The following TOX3 variants were observed in gnomAD, a reference collection of about 807,000 sequenced individuals.
TOX3 encodes the protein TOX high mobility group box family member 3.
In TOX3, 22 loss-of-function variants were observed where a neutral mutation model predicts 64.3. The ratio of observed to expected loss-of-function variants is 0.34; its 90% CI spans 0.24 to 0.49. The LOEUF is 0.49. Ranked by LOEUF, TOX3 falls within the 20% of genes least tolerant of loss-of-function variation. TOX3 has a pLI of 0.99. For missense variants in TOX3, 661 were observed against 714.4 expected, an observed-to-expected ratio of 0.93 and a Z score of 0.85; for synonymous variants, 291 against 273.6, an observed-to-expected ratio of 1.06 and a Z score of -0.63.
intron 1 of TOX3, among the ~76,000 whole-genome samples, chr16:52,546,390 G>T (rs1319428187): frequency 6.6e-6 from 1 of 152,048 alleles, no homozygotes; most frequent in African/African-American, 2.4e-5. Context: ...GCAAAGGAGA[G>T]TCTGGCGGGG....
intron 1 of TOX3, among the ~76,000 whole-genome samples, chr16:52,493,942 A>C (rs575435814): frequency 1.3e-5 from 2 of 152,334 alleles, no homozygotes; most frequent in South Asian, 4.1e-4. Flanking sequence ...TTAAACATTT[A>C]TCTTCACCAA....
At chr16:52,496,865 G>C (rs1420882014) in intron 1 of TOX3, among the ~76,000 whole-genome samples, 1 of 150,246 alleles carries the variant, frequency 6.7e-6, no homozygotes, top group Admixed American at 6.6e-5. Context: ...TCTAACCTGG[G>C]GAAAAAAAAA....
At chr16:52,472,231 C>G (rs1961070161) in intron 1 of TOX3, among the ~76,000 whole-genome samples, 1 of 152,130 alleles carries the variant, frequency 6.6e-6, no homozygotes, top group Non-Finnish European at 1.5e-5. Flanking sequence ...GTGCTAGGCA[C>G]TGGAGGCAAT....
At chr16:52,502,312 C>T (rs1033740424) in intron 1 of TOX3, among the ~76,000 whole-genome samples, 1 of 152,126 alleles carries the variant, frequency 6.6e-6, no homozygotes, top group African/African-American at 2.4e-5. Flanking sequence ...GTTTAGTTTC[C>T]ATTTCTAAAA....
intron 3 of TOX3, among the ~76,000 whole-genome samples, chr16:52,458,962 G>A (rs1960608516): frequency 6.6e-6 from 1 of 151,792 alleles, no homozygotes; most frequent in African/African-American, 2.4e-5. Flanking sequence ...GACACTGGTA[G>A]TCAAAAAAAA....
Position 52,443,250 on chromosome 16 carries a change from A to T in TOX3, c.987+1026T>A, listed in dbSNP as rs73583111. Among the ~76,000 whole-genome samples, 802 of 152,298 alleles carry T rather than the reference A, an allele frequency of 5.3e-3. 11 individuals are homozygous for T. The highest frequency in any genetic ancestry group is 0.018 in the African/African-American group (754 of 41,552). On this transcript the variant is annotated intron_variant, in intron 6 of 6. Transcript: ENST00000219746. ...GCAAGTCTGAGTACAACATCAGTAT[A>T]TCTTCCAGTATGTGTCTTCCAGAGT...
In TOX3 at chr16:52,489,065, T is replaced by C. The variant is rs150782823; in HGVS notation, c.88-20491A>G. Among the ~76,000 whole-genome samples the C allele has an allele frequency of 1.3e-4, 20 of 152,276 alleles. No homozygotes were observed. The East Asian group carries it at 3.7e-3, about 28-fold the overall frequency. On this transcript the variant is annotated intron_variant, in intron 1 of 6. Coordinates refer to ENST00000219746, the MANE Select transcript of TOX3 (RefSeq NM_001080430.4). ...GCAACTATCACCCCAAACCAGAACT[T>C]CAAATCATCCCTTTTTTTTCCTTTG...
intron 1 of TOX3, among the ~76,000 whole-genome samples, chr16:52,485,236 A>ATGTG (rs1280127633): frequency 6.2e-4 from 70 of 113,014 alleles, no homozygotes; most frequent in African/African-American, 2.3e-3. Context: ...GTGTGTGTGT[A>ATGTG]TGTGTGTGTG....
intron 1 of TOX3, among the ~76,000 whole-genome samples, chr16:52,481,011 C>T (rs940096289): frequency 6.6e-6 from 1 of 151,912 alleles, no homozygotes; most frequent in Non-Finnish European, 1.5e-5. Context: ...ATTCACGGGG[C>T]GGCCTCCCAC....
intron 1 of TOX3, among the ~76,000 whole-genome samples, chr16:52,500,126 G>C (rs954154939): frequency 3.3e-5 from 5 of 152,170 alleles, no homozygotes; most frequent in Non-Finnish European, 7.4e-5. Flanking sequence ...AAGAGATTCT[G>C]CTATATTTAA....
At chr16:52,537,878 TAAAAAAAAAAAAAA>T (rs57403617) in intron 1 of TOX3, among the ~76,000 whole-genome samples, 3 of 111,040 alleles carry the variant, frequency 2.7e-5, no homozygotes, top group Non-Finnish European at 3.8e-5. Context: ...GCTGATATGA[TAAAAAAAAAAAAAA>T]AAAAAAAAGA....
chr16:52,535,405 G>C (rs1280657919), intron 1 of TOX3, among the ~76,000 whole-genome samples: 1 of 152,168 alleles, frequency 6.6e-6, no homozygotes, highest in Non-Finnish European at 1.5e-5. Flanking sequence ...GTTTGCCCTT[G>C]ATCCCCTTCA....
intron 1 of TOX3, among the ~76,000 whole-genome samples, chr16:52,511,093 C>T (rs981321233): frequency 2.0e-5 from 3 of 152,052 alleles, no homozygotes; most frequent in Admixed American, 6.6e-5. Context: ...AAGGGACTCC[C>T]GCAGGTCATG....
At chr16:52,495,915 C>T (rs1961838298) in intron 1 of TOX3, among the ~76,000 whole-genome samples, 1 of 152,172 alleles carries the variant, frequency 6.6e-6, no homozygotes, top group Admixed American at 6.5e-5. Flanking sequence ...CTCACCTCCA[C>T]CCCATCATCA....
intron 1 of TOX3, chr16:52,519,597 A>T (rs1962549791): frequency 7.0e-7 from 1 of 1,422,934 alleles, no homozygotes; most frequent in South Asian, 1.6e-5. Flanking sequence ...GACGAAAAAA[A>T]AAACAACATG....
chr16:52,462,052 T>C (rs908342277), intron 3 of TOX3, among the ~76,000 whole-genome samples: 1 of 152,104 alleles, frequency 6.6e-6, no homozygotes, highest in East Asian at 1.9e-4. Context: ...GAAATTCTAC[T>C]AGAATTTTCA....
intron 1 of TOX3, among the ~76,000 whole-genome samples, chr16:52,480,593 G>A (rs546507710): frequency 1.3e-5 from 2 of 152,116 alleles, no homozygotes; most frequent in Non-Finnish European, 2.9e-5. Flanking sequence ...ACCTTTTAAC[G>A]AATTACAAAA....
At chr16:52,535,277 G>C (rs564878205) in intron 1 of TOX3, among the ~76,000 whole-genome samples, 1 of 152,252 alleles carries the variant, frequency 6.6e-6, no homozygotes, top group Non-Finnish European at 1.5e-5. Flanking sequence ...AGTTTCACTG[G>C]GCACATGGCC....
At chr16:52,476,901 G>C (rs555194302) in intron 1 of TOX3, among the ~76,000 whole-genome samples, 1 of 152,312 alleles carries the variant, frequency 6.6e-6, no homozygotes, top group South Asian at 2.1e-4. Context: ...TCAGTGACAA[G>C]TGGCTTGCAA....
Sources: allele counts gnomAD v4.1 joint callset (sites outside exome capture counted in the v4.1 genomes callset), GRCh38; gene constraint gnomAD v4.1.1; transcripts MANE v1.5; gene names NCBI Gene and HGNC (gene_info 2026-07-23, HGNC 2026-07-21).